CCDC66: variants seen among roughly 807,000 people sequenced by gnomAD.
The protein encoded by CCDC66 is coiled-coil domain containing 66, also known as coiled-coil domain-containing protein 66.
A neutral mutation model predicts 128.3 loss-of-function variants in CCDC66; 133 were observed. The ratio of observed to expected loss-of-function variants is 1.04; its 90% confidence interval spans 0.90 to 1.20. CCDC66 has a LOEUF of 1.20. CCDC66 is among the 50% of genes most tolerant of loss of function. The pLI is 0.00. For synonymous variants in CCDC66, 387 were observed against 357.0 expected, an observed-to-expected ratio of 1.08 and a Z score of -0.95; for missense variants, 1,126 against 1,075.5, an observed-to-expected ratio of 1.05 and a Z score of -0.66.
chr3:56,575,577 A>G (rs1246029688), intron 7 of CCDC66, among the ~76,000 whole-genome samples: 1 of 151,768 alleles, frequency 6.6e-6, no homozygotes, highest in Non-Finnish European at 1.5e-5. Context: ...TTGATGCACA[A>G]AAGTCTTTAA....
In CCDC66 at chr3:56,591,362, C is replaced by T. The variant is rs191236941; in HGVS notation, c.937-1608C>T. 2.3e-3 allele frequency among the ~76,000 whole-genome samples: 357 copies of T among 152,260 alleles called. 7 individuals carry two copies. Among genetic ancestry groups the T allele is most frequent in the Admixed American group, 0.021 (324 of 15,290 alleles). The stretch of plus-strand genomic sequence containing the variant: ...ATGCCACTACACTAAAATATGGAAT[C>T]AGATCTGGTTACATCAAACTTAAAC... On this transcript the variant is annotated intron_variant, in intron 7 of 17. Coordinates refer to ENST00000394672, the MANE Select transcript of CCDC66 (RefSeq NM_001141947.3).
At position 56,566,607 on chromosome 3, in the gene CCDC66, A is replaced by G. The variant is rs1475663214; in HGVS notation, c.558A>G (p.Leu186=). Residue 186 remains leucine, a synonymous_variant, in exon 5 of 18, where the codon CTA becomes CTG. Transcript: ENST00000394672. The part of the protein sequence containing the change: ...NGKEAKSQYS[L]YLNSISNQPK... Reference sequence around the variant, plus strand: ...TTTACCTCCTAGGTCAATATAGTCTATATTTAAACAGTATTTCTAATCAGC... The same window carrying G: ...TTTACCTCCTAGGTCAATATAGTCTGTATTTAAACAGTATTTCTAATCAGC... 6 of 1,573,274 alleles carry G rather than the reference A, an allele frequency of 3.8e-6. No homozygotes were observed. The highest frequency in any genetic ancestry group is 2.2e-5 in the East Asian group (1 of 44,618).
chr3:56,620,232 T>C (rs2107470670), intron 17 of CCDC66: 1 of 165,012 alleles, frequency 6.1e-6, no homozygotes, highest in African/African-American at 2.4e-5. Flanking sequence ...CTTTAACAAA[T>C]TCTTAGCAAT....
At chr3:56,584,848 G>A (rs183441016) in intron 7 of CCDC66, among the ~76,000 whole-genome samples, 5 of 151,964 alleles carry the variant, frequency 3.3e-5, no homozygotes, top group East Asian at 2.0e-4. Context: ...CCAGCACCTC[G>A]GGAGGCCGAG....
chr3:56,609,984 T>G (rs1253158716), intron 10 of CCDC66, among the ~76,000 whole-genome samples: 1 of 152,240 alleles, frequency 6.6e-6, no homozygotes, highest in Non-Finnish European at 1.5e-5. Context: ...TACCTGGTGC[T>G]TCTGTCTCAC....
intron 7 of CCDC66, among the ~76,000 whole-genome samples, chr3:56,578,383 A>C (rs1030508470): frequency 2.6e-5 from 4 of 151,718 alleles, no homozygotes; most frequent in African/African-American, 9.7e-5. Flanking sequence ...CTCTTTTCCT[A>C]TTTGAATACC....
At chr3:56,568,124 C>T (rs566605884) in intron 6 of CCDC66, among the ~76,000 whole-genome samples, 2 of 152,282 alleles carry the variant, frequency 1.3e-5, no homozygotes, top group East Asian at 1.9e-4. Flanking sequence ...GGAGAATCCT[C>T]AGAGAAAGCC....
intron 10 of CCDC66, among the ~76,000 whole-genome samples, chr3:56,596,255 C>T (rs146376556): frequency 0.01 from 1,558 of 152,088 alleles, 23 homozygotes; most frequent in African/African-American, 0.035. Context: ...CTAACTGAGG[C>T]GATATGATAT....
intron 10 of CCDC66, among the ~76,000 whole-genome samples, chr3:56,611,449 G>A (rs1315633826): frequency 9.9e-6 from 1 of 100,654 alleles, no homozygotes; most frequent in African/African-American, 3.6e-5. Flanking sequence ...AACATCCCCC[G>A]AGTCTGTTTC....
chr3:56,557,384 G>A, intron 1 of CCDC66, 131 bp downstream of exon 1: 1 of 1,231,468 alleles, frequency 8.1e-7, no homozygotes, highest in South Asian at 1.5e-5. Flanking sequence ...GCCGAGAGGG[G>A]CAGAGCCCAG....
intron 7 of CCDC66, among the ~76,000 whole-genome samples, chr3:56,580,792 T>A (rs1028786208): frequency 1.3e-5 from 2 of 151,948 alleles, no homozygotes; most frequent in Non-Finnish European, 2.9e-5. Context: ...GTTAGTCCGA[T>A]GGGCTTCCCT....
chr3:56,571,457 C>T, intron 7 of CCDC66, 155 bp downstream of exon 7: 1 of 474,604 alleles, frequency 2.1e-6, no homozygotes. Flanking sequence ...TCTCAGCTCA[C>T]TGCAACCTAC....
At chr3:56,590,569 G>A (rs1238638662) in intron 7 of CCDC66, among the ~76,000 whole-genome samples, 1 of 151,884 alleles carries the variant, frequency 6.6e-6, no homozygotes, top group Non-Finnish European at 1.5e-5. Flanking sequence ...GCCATCCTGG[G>A]CAACAACATG....
chr3:56,562,951 A>G (rs553662757), intron 3 of CCDC66, among the ~76,000 whole-genome samples: 2 of 151,946 alleles, frequency 1.3e-5, no homozygotes, highest in South Asian at 4.2e-4. Flanking sequence ...CCTGGCCCAC[A>G]TTTTATATTT....
chr3:56,601,385 A>G (rs901558784), intron 10 of CCDC66, among the ~76,000 whole-genome samples: 10 of 152,058 alleles, frequency 6.6e-5, no homozygotes, highest in African/African-American at 1.5e-4. Flanking sequence ...ACCTTGTAGT[A>G]TAGTTTGAAG....
chr3:56,578,068 A>G (rs1026634990), intron 7 of CCDC66, among the ~76,000 whole-genome samples: 5 of 151,744 alleles, frequency 3.3e-5, no homozygotes, highest in African/African-American at 1.2e-4. Flanking sequence ...ATGTTTTTCC[A>G]TTTGTTTGTG....
At chr3:56,599,761 G>T (rs1234050084) in intron 10 of CCDC66, among the ~76,000 whole-genome samples, 2 of 151,990 alleles carry the variant, frequency 1.3e-5, no homozygotes, top group African/African-American at 4.8e-5. Flanking sequence ...TATGAAGTCA[G>T]TTTTTTAAAG....
In CCDC66 at chr3:56,564,083, A is replaced by G; in HGVS notation, c.502A>G (p.Asn168Asp). ...QQILMTVNQGNRSLSLTENGK... is the reference protein window; with the variant it reads ...QQILMTVNQGDRSLSLTENGK... ...GATTTTGATGACTGTAAACCAAGGA[A>G]ATAGATCTCTTTCCCTGACTGAGAA... The change falls in exon 4 of 18, where the codon AAT (asparagine) becomes GAT (aspartate). Residue 168 changes from asparagine to aspartate, a missense_variant. Coordinates refer to ENST00000394672, the MANE Select transcript of CCDC66 (RefSeq NM_001141947.3). 1 of 1,611,214 alleles carries G rather than the reference A, an allele frequency of 6.2e-7. No individual in the cohort carries two copies. The highest frequency in any genetic ancestry group is 8.5e-7 in the Non-Finnish European group (1 of 1,178,456).
chr3:56,568,086 C>T (rs763379734), intron 6 of CCDC66, among the ~76,000 whole-genome samples: 5 of 152,062 alleles, frequency 3.3e-5, no homozygotes, highest in South Asian at 4.2e-4. Flanking sequence ...GTGTCAGACT[C>T]GGTTAATTTA....
Sources: gnomAD v4.1 joint callset for allele counts (sites outside exome capture counted in the v4.1 genomes callset) on GRCh38, gnomAD v4.1.1 for gene constraint, MANE v1.5 for transcripts, NCBI Gene and HGNC (gene_info 2026-07-23, HGNC 2026-07-21) for gene names.